The following GRID1 variants were observed in gnomAD, a reference collection of about 807,000 sequenced individuals.
The protein encoded by GRID1 is glutamate ionotropic receptor delta type subunit 1, also known as glutamate receptor ionotropic, delta-1.
GRID1 carries 28 observed loss-of-function variants against 98.0 expected under a neutral mutation model. The observed-to-expected ratio is 0.29, with a 90% CI of 0.21 to 0.39. The LOEUF is 0.39. GRID1 is among the 10% of genes least tolerant of loss of function. The pLI is 1.00. For synonymous variants in GRID1, 553 were observed against 538.5 expected (o/e 1.03, Z -0.37); for missense variants, 1,111 against 1,340.5 (o/e 0.83, Z 2.67).
At chr10:86,199,934 C>A (rs886636517) in intron 3 of GRID1, among the ~76,000 whole-genome samples, 1 of 151,992 alleles carries the variant, frequency 6.6e-6, no homozygotes, top group Non-Finnish European at 1.5e-5. Context: ...CCCAAGAGTG[C>A]CACCCGAGGT....
chr10:86,014,640 G>A (rs10887549), intron 4 of GRID1, among the ~76,000 whole-genome samples: 50,164 of 152,080 alleles, frequency 0.33, 8,990 homozygotes, highest in South Asian at 0.49. Flanking sequence ...AAGATCACTC[G>A]GCAAGTATGT....
intron 4 of GRID1, among the ~76,000 whole-genome samples, chr10:86,068,362 A>C (rs2131918840): frequency 6.6e-6 from 1 of 152,334 alleles, no homozygotes; most frequent in South Asian, 2.1e-4. Flanking sequence ...TACCAGACTG[A>C]AAGCTGAAAG....
chr10:85,821,581 G>C lies in GRID1; in HGVS notation c.1233+32915C>G, dbSNP rs571808620. Reference sequence around the variant, plus strand: ...CAATAGTTGACTGTGGGTGGTGTTAGAGGGAGACATGGATTGCAAAGAAGT... The same window carrying C: ...CAATAGTTGACTGTGGGTGGTGTTACAGGGAGACATGGATTGCAAAGAAGT... On this transcript the variant is annotated intron_variant, in intron 8 of 15. Transcript: ENST00000327946. 8.9e-5 allele frequency among the ~76,000 whole-genome samples: 13 copies of C among 146,808 alleles called. No homozygotes were observed. In the Admixed American group the frequency reaches 8.9e-4, roughly 10 times the overall value.
chr10:85,697,068 T>A (rs1363232453), intron 12 of GRID1, among the ~76,000 whole-genome samples: 1 of 152,144 alleles, frequency 6.6e-6, no homozygotes, highest in Non-Finnish European at 1.5e-5. Flanking sequence ...GGTGAATGTT[T>A]CATGCACACT....
intron 3 of GRID1, among the ~76,000 whole-genome samples, chr10:86,154,921 G>C (rs1340717829): frequency 6.6e-6 from 1 of 152,086 alleles, no homozygotes; most frequent in Non-Finnish European, 1.5e-5. Flanking sequence ...ACTCACCCCA[G>C]CAACCCCAGG....
At chr10:86,123,930 A>G (rs1844714539) in intron 4 of GRID1, among the ~76,000 whole-genome samples, 1 of 152,172 alleles carries the variant, frequency 6.6e-6, no homozygotes, top group African/African-American at 2.4e-5. Context: ...GGCTTCCCAC[A>G]CCAAGGGCCC....
At chr10:86,176,385 T>C (rs1355588880) in intron 3 of GRID1, among the ~76,000 whole-genome samples, 4 of 152,332 alleles carry the variant, frequency 2.6e-5, no homozygotes, top group African/African-American at 9.6e-5. Context: ...CCTTATTATA[T>C]TCATCATGGC....
chr10:85,613,549 T>A lies in GRID1; in HGVS notation c.2459A>T (p.Gln820Leu). The A allele has an allele frequency of 5.0e-6, 8 of 1,614,222 alleles. No individual in the cohort carries two copies. The highest frequency in any genetic ancestry group is 6.8e-6 in the Non-Finnish European group (8 of 1,180,046). ...RCDLTSHASA[Q>L]ADGKSLKLHS... ...CAGCTTGAGGGATTTGCCGTCGGCC[T>A]GGGCGCTGGCATGGCTGGTGAGGTC... is the stretch of plus-strand genomic sequence containing the variant. Residue 820 changes from glutamine to leucine, a missense_variant, in exon 15 of 16, where the codon CAG (glutamine) becomes CTG (leucine). Physicochemically the swap from Gln to Leu is moderately radical, Grantham distance 113 (BLOSUM62 -2). This residue lies in a region of GRID1 where 762 missense variants were observed against 869.1 expected (regional missense o/e 0.88). Coordinates refer to ENST00000327946, the MANE Select transcript of GRID1 (RefSeq NM_017551.3).
At chr10:85,786,755 G>A (rs1321100074) in intron 8 of GRID1, among the ~76,000 whole-genome samples, 8 of 152,148 alleles carry the variant, frequency 5.3e-5, no homozygotes, top group African/African-American at 1.4e-4. Context: ...CCCACCCCCC[G>A]CCAGGACCCG....
intron 4 of GRID1, among the ~76,000 whole-genome samples, chr10:86,041,165 C>A (rs1843339754): frequency 6.6e-6 from 1 of 152,204 alleles, no homozygotes; most frequent in African/African-American, 2.4e-5. Context: ...ACACGGAGAC[C>A]TCCCAGAGCT....
chr10:85,861,692 C>T (rs1045847090), intron 6 of GRID1, among the ~76,000 whole-genome samples: 5 of 152,110 alleles, frequency 3.3e-5, no homozygotes, highest in African/African-American at 1.2e-4. Flanking sequence ...ATGAGATCAG[C>T]GAGGTGTGCA....
intron 4 of GRID1, among the ~76,000 whole-genome samples, chr10:86,089,362 A>G (rs1844110102): frequency 6.6e-6 from 1 of 151,494 alleles, no homozygotes; most frequent in Admixed American, 6.6e-5. Flanking sequence ...GGAAACCAAG[A>G]GGAGAACCTG....
At position 85,670,586 on chromosome 10, in the gene GRID1, C is replaced by A. The variant is rs549192865; in HGVS notation, c.1998-23189G>T. Among the ~76,000 whole-genome samples the A allele has an allele frequency of 2.9e-4, 44 of 152,284 alleles. No homozygotes were observed. The East Asian group carries it at 3.5e-3, about 12-fold the overall frequency. On this transcript the variant is annotated intron_variant, in intron 12 of 15. Transcript: ENST00000327946. ...TCTATAAAGACAAAATTGAGGATGA[C>A]TGCAAGGGGGAGAAGAAACTGCGAG...
At chr10:86,079,135 G>A (rs1235288258) in intron 4 of GRID1, among the ~76,000 whole-genome samples, 6 of 152,238 alleles carry the variant, frequency 3.9e-5, no homozygotes, top group Admixed American at 6.5e-5. Flanking sequence ...GTTTCAGAGA[G>A]GTGAGTGTGG....
intron 4 of GRID1, among the ~76,000 whole-genome samples, chr10:85,964,070 A>G (rs1386036067): frequency 1.3e-5 from 2 of 152,184 alleles, no homozygotes; most frequent in African/African-American, 4.8e-5. Flanking sequence ...TAGGAATACA[A>G]CTTAAAAGGG....
rs181762270 is a variant in GRID1, at chr10:86,198,518, C to T, written c.520+7846G>A. The stretch of plus-strand genomic sequence containing the variant: ...TAAGTGTTACTGAGCAGTTACCACG[C>T]GCCAGGTACTGAGCTAAGCCCCTGA... On this transcript the variant is annotated intron_variant, in intron 3 of 15. Transcript: ENST00000327946. Among the ~76,000 whole-genome samples, 11 of 152,232 alleles carry T rather than the reference C, an allele frequency of 7.2e-5. No individual in the cohort carries two copies. The East Asian group carries it at 1.2e-3, about 16-fold the overall frequency.
At chr10:86,264,415 C>G (rs533347556) in intron 2 of GRID1, among the ~76,000 whole-genome samples, 1 of 152,214 alleles carries the variant, frequency 6.6e-6, no homozygotes, top group East Asian at 1.9e-4. Flanking sequence ...GAGACTACCC[C>G]AGAGGGAGGA....
intron 9 of GRID1, among the ~76,000 whole-genome samples, chr10:85,728,307 G>A (rs1298928388): frequency 6.6e-6 from 1 of 152,094 alleles, no homozygotes; most frequent in Non-Finnish European, 1.5e-5. Flanking sequence ...CCCAGGCTCT[G>A]CCCCAACCCC....
intron 8 of GRID1, among the ~76,000 whole-genome samples, chr10:85,734,301 T>C (rs1841856151): frequency 6.6e-6 from 1 of 152,042 alleles, no homozygotes; most frequent in African/African-American, 2.4e-5. Flanking sequence ...AGATAAGCAA[T>C]CCAAGTAATC....
Sources: gnomAD v4.1 joint callset for allele counts (sites outside exome capture counted in the v4.1 genomes callset) on GRCh38, gnomAD v4.1.1 for gene constraint, gnomAD v4.1.1 regional missense constraint, MANE v1.5 for transcripts, NCBI Gene and HGNC (gene_info 2026-07-23, HGNC 2026-07-21) for gene names.